The following MEF2C variants were observed in gnomAD, a reference collection of about 807,000 sequenced individuals.
MEF2C encodes the protein myocyte enhancer factor 2C.
In MEF2C, 6 loss-of-function variants were observed where a neutral mutation model predicts 50.5. The ratio of observed to expected loss-of-function variants is 0.12; its 90% confidence interval spans 0.07 to 0.23. The LOEUF (loss-of-function observed/expected upper bound fraction) is 0.23. Ranked by LOEUF, MEF2C falls within the 10% of genes least tolerant of loss-of-function variation. The pLI is 1.00. For synonymous variants in MEF2C, 183 were observed against 228.0 expected, an observed-to-expected ratio of 0.80 and a Z score of 1.78; for missense variants, 276 against 605.0, an observed-to-expected ratio of 0.46 and a Z score of 5.70.
intron 3 of MEF2C, chr5:88,770,072 C>G: frequency 1.1e-6 from 1 of 877,292 alleles, no homozygotes; most frequent in Non-Finnish European, 1.4e-6. Context: ...AAAGACAAGA[C>G]AGAACTATAA....
At chr5:88,799,208 G>A (rs919177844) in intron 3 of MEF2C, among the ~76,000 whole-genome samples, 12 of 152,192 alleles carry the variant, frequency 7.9e-5, no homozygotes, top group African/African-American at 2.9e-4. Context: ...AGAGCCAGCA[G>A]GCCAGAACAT....
At chr5:88,778,625 G>T (rs534621043) in intron 3 of MEF2C, among the ~76,000 whole-genome samples, 1 of 152,178 alleles carries the variant, frequency 6.6e-6, no homozygotes, top group Non-Finnish European at 1.5e-5. Context: ...AAAATCATGG[G>T]TATATAATCT....
intron 4 of MEF2C, among the ~76,000 whole-genome samples, chr5:88,752,941 G>A (rs1773518437): frequency 6.6e-6 from 1 of 152,164 alleles, no homozygotes; most frequent in East Asian, 1.9e-4. Flanking sequence ...GAACTCATAT[G>A]GTATCAAAAC....
intron 6 of MEF2C, among the ~76,000 whole-genome samples, chr5:88,748,583 C>T (rs1279261471): frequency 1.3e-5 from 2 of 152,130 alleles, no homozygotes; most frequent in Admixed American, 6.5e-5. Context: ...TGTCTAAGAG[C>T]TCATTTTAAT....
chr5:88,753,852 A>T, intron 4 of MEF2C, among the ~76,000 whole-genome samples: 1 of 152,244 alleles, frequency 6.6e-6, no homozygotes, highest in East Asian at 1.9e-4. Context: ...CAAATAATGA[A>T]TTTAGCCTTA....
intron 6 of MEF2C, chr5:88,733,352 T>C: frequency 1.0e-6 from 1 of 985,108 alleles, no homozygotes; most frequent in Non-Finnish European, 1.2e-6. Context: ...GATGCAGGGG[T>C]TGGGCTGTGG....
At chr5:88,735,018 C>G in intron 6 of MEF2C, 1 of 985,380 alleles carries the variant, frequency 1.0e-6, no homozygotes, top group Non-Finnish European at 1.2e-6. Flanking sequence ...ATAACCATTT[C>G]TGTTTCCAGC....
chr5:88,752,558 A>G, intron 4 of MEF2C: 1 of 951,090 alleles, frequency 1.1e-6, no homozygotes, highest in South Asian at 4.9e-5. Flanking sequence ...ATGTTTTAAA[A>G]GTAACTCTAA....
At chr5:88,768,609 T>C in intron 3 of MEF2C, 5 of 843,262 alleles carry the variant, frequency 5.9e-6, no homozygotes, top group Non-Finnish European at 7.1e-6. Flanking sequence ...GCACAAGGCC[T>C]GGCAAGTGGT....
chr5:88,857,608 T>C (rs1287670946), intron 1 of MEF2C, among the ~76,000 whole-genome samples: 2 of 152,186 alleles, frequency 1.3e-5, no homozygotes, highest in African/African-American at 2.4e-5. Flanking sequence ...CAAGTGGAGA[T>C]AATTAAATCA....
At chr5:88,815,569 T>C (rs1804924028) in intron 2 of MEF2C, among the ~76,000 whole-genome samples, 2 of 152,134 alleles carry the variant, frequency 1.3e-5, no homozygotes, top group South Asian at 2.1e-4. Flanking sequence ...CATTACATAT[T>C]ATCAATTTTT....
intron 3 of MEF2C, among the ~76,000 whole-genome samples, chr5:88,773,955 A>G (rs1195090120): frequency 6.6e-6 from 1 of 152,180 alleles, no homozygotes; most frequent in Non-Finnish European, 1.5e-5. Context: ...AGGCAGTGAA[A>G]GGTATAATGG....
chr5:88,865,962 C>G (rs929324225), intron 1 of MEF2C, among the ~76,000 whole-genome samples: 1 of 150,694 alleles, frequency 6.6e-6, no homozygotes, highest in Admixed American at 6.6e-5. Context: ...GTGACTCTAT[C>G]TCGGCTCACT....
chr5:88,766,678 C>A, intron 3 of MEF2C: 1 of 985,332 alleles, frequency 1.0e-6, no homozygotes, highest in Non-Finnish European at 1.2e-6. Flanking sequence ...CCTGGAGAAA[C>A]CCCCAAATTA....
chr5:88,769,880 A>C (rs974738306), intron 3 of MEF2C: 1 of 821,164 alleles, frequency 1.2e-6, no homozygotes, highest in Non-Finnish European at 1.5e-6. Context: ...TCTTGACCTC[A>C]TGTAATCCAC....
chr5:88,827,831 TAAAAAAAAGAATTATGAAAACCGGC>T (rs1811515880), intron 1 of MEF2C, among the ~76,000 whole-genome samples: 1 of 147,770 alleles, frequency 6.8e-6, no homozygotes, highest in Non-Finnish European at 1.5e-5. Context: ...AACTTTTGGT[TAAAAAAAAGAATTATGAAAACCGGC>T]AAAAAAAAAA....
At chr5:88,803,106 A>G (rs976462574) in intron 3 of MEF2C, among the ~76,000 whole-genome samples, 2 of 152,346 alleles carry the variant, frequency 1.3e-5, no homozygotes, top group East Asian at 3.9e-4. Context: ...GTACTTTCAT[A>G]TTTATATGCA....
chr5:88,823,606 G>A, intron 2 of MEF2C, 129 bp downstream of exon 2: 1 of 795,230 alleles, frequency 1.3e-6, no homozygotes, highest in Non-Finnish European at 1.9e-6. Flanking sequence ...ACTTTAACTG[G>A]TCACATTTAA....
At chr5:88,832,693 T>C (rs1813536248) in intron 1 of MEF2C, among the ~76,000 whole-genome samples, 1 of 152,176 alleles carries the variant, frequency 6.6e-6, no homozygotes, top group African/African-American at 2.4e-5. Context: ...TGCAGCAGTT[T>C]ACCTAGAATA....
Sources: allele counts gnomAD v4.1 joint callset (sites outside exome capture counted in the v4.1 genomes callset), GRCh38; gene constraint gnomAD v4.1.1; transcripts MANE v1.5; gene names NCBI Gene and HGNC (gene_info 2026-07-23, HGNC 2026-07-21).